SND1: variants seen among roughly 807,000 people sequenced by gnomAD.
The protein encoded by SND1 is staphylococcal nuclease and tudor domain containing 1.
A neutral mutation model predicts 121.7 loss-of-function variants in SND1; 38 were observed. The observed-to-expected ratio is 0.31, with a 90% CI of 0.24 to 0.41. The LOEUF is 0.41. Among genes scored for constraint, SND1 ranks in the 10% least tolerant of loss-of-function variants. The probability of loss-of-function intolerance (pLI) is 1.00; values close to 1 mark genes in which losing one functional copy is unlikely to be tolerated. For missense variants in SND1, 868 were observed against 1,184.6 expected (o/e 0.73, Z 3.92); for synonymous variants, 401 against 447.4 (o/e 0.90, Z 1.31).
At chr7:127,904,841 A>T in intron 14 of SND1, 22 bp downstream of exon 14, 1 of 1,494,674 alleles carries the variant, frequency 6.7e-7, no homozygotes, top group Non-Finnish European at 9.3e-7. Context: ...CCCTGAATCA[A>T]GCTGTGTGGC....
chr7:127,980,279 ATT>A (rs555863231), intron 15 of SND1, among the ~76,000 whole-genome samples: 1 of 49,722 alleles, frequency 2.0e-5, no homozygotes. Context: ...CGCCCGGCTA[ATT>A]TTTTTTTTTT....
intron 10 of SND1, among the ~76,000 whole-genome samples, chr7:127,758,189 T>G (rs1797233275): frequency 6.6e-6 from 1 of 152,212 alleles, no homozygotes; most frequent in African/African-American, 2.4e-5. Flanking sequence ...ATGTATTCAT[T>G]TAAGTCATAA....
At chr7:127,806,343 C>A (rs992742777) in intron 10 of SND1, among the ~76,000 whole-genome samples, 4 of 152,128 alleles carry the variant, frequency 2.6e-5, no homozygotes, top group Admixed American at 6.5e-5. Context: ...ACTTCTGTTA[C>A]CTTCATCTAG....
chr7:127,852,440 A>G (rs1014183568), intron 12 of SND1, among the ~76,000 whole-genome samples: 1 of 150,610 alleles, frequency 6.6e-6, no homozygotes, highest in Non-Finnish European at 1.5e-5. Context: ...GTGAGCCAAG[A>G]TCGCACCACT....
At chr7:127,879,850 T>C (rs1799757385) in intron 12 of SND1, among the ~76,000 whole-genome samples, 1 of 152,188 alleles carries the variant, frequency 6.6e-6, no homozygotes, top group African/African-American at 2.4e-5. Context: ...CCTTTTGTGC[T>C]GAGTTTATAA....
chr7:127,777,016 T>C (rs954609415), intron 10 of SND1, among the ~76,000 whole-genome samples: 5 of 152,260 alleles, frequency 3.3e-5, no homozygotes, highest in Admixed American at 3.3e-4. Context: ...ACATTTCTCC[T>C]GTAGACTGCT....
At position 128,029,676 on chromosome 7, in the gene SND1, T is replaced by C. The variant is rs777407443; in HGVS notation, c.1779+38620T>C. The C allele has an allele frequency of 1.7e-5, 28 of 1,613,760 alleles. No individual in the cohort carries two copies. Among genetic ancestry groups the C allele is most frequent in the East Asian group, 8.9e-5 (4 of 44,896 alleles). Reference sequence around the variant, plus strand: ...ATGACAGCGGCCACAGCAGGTGGAATTGGTGGGTATATACTCTCGAAGCCA... The same window carrying C: ...ATGACAGCGGCCACAGCAGGTGGAACTGGTGGGTATATACTCTCGAAGCCA... On this transcript the variant is annotated intron_variant, in intron 16 of 23. Transcript: ENST00000354725. The surrounding 1 kb of genome is among the most constrained non-coding windows in gnomAD (Gnocchi z 4.2).
intron 14 of SND1, 136 bp from the exon 15 acceptor site, chr7:127,929,050 CTA>C: frequency 1.3e-6 from 1 of 741,498 alleles, no homozygotes. Flanking sequence ...GGTATCATGT[CTA>C]TGTCTTGGTT....
intron 15 of SND1, among the ~76,000 whole-genome samples, chr7:127,947,392 G>A (rs1055855003): frequency 2.0e-5 from 3 of 152,132 alleles, no homozygotes; most frequent in Non-Finnish European, 4.4e-5. Context: ...TCAGATTTCA[G>A]GAAATAATGA....
At chr7:127,865,499 G>A (rs546583753) in intron 12 of SND1, among the ~76,000 whole-genome samples, 1 of 152,260 alleles carries the variant, frequency 6.6e-6, no homozygotes, top group South Asian at 2.1e-4. Context: ...CTTATCTTTG[G>A]TACAAGATTA....
intron 15 of SND1, among the ~76,000 whole-genome samples, chr7:127,959,494 TCTC>T (rs1563071190): frequency 6.6e-6 from 1 of 152,146 alleles, no homozygotes; most frequent in Non-Finnish European, 1.5e-5. Flanking sequence ...TCTGACCTCA[TCTC>T]CTGCTCTTCC....
chr7:128,062,329 A>G (rs769371793), intron 16 of SND1, among the ~76,000 whole-genome samples: 1 of 152,198 alleles, frequency 6.6e-6, no homozygotes, highest in Non-Finnish European at 1.5e-5. Flanking sequence ...AGTTATGTAC[A>G]GGGGCATAGG....
At position 127,702,496 on chromosome 7, in the gene SND1, C is replaced by T. The variant is rs757601086; in HGVS notation, c.651C>T (p.Tyr217=). 2 of 1,614,050 alleles carry T rather than the reference C, an allele frequency of 1.2e-6. No homozygotes were observed. Among genetic ancestry groups the T allele is most frequent in the Non-Finnish European group, 1.7e-6 (2 of 1,179,962 alleles). The change falls in exon 6 of 24, where the codon TAC becomes TAT. Residue 217 remains tyrosine, a synonymous_variant. Transcript: ENST00000354725. ...VVRALLLPDY[Y]LVTVMLSGIK... Reference sequence around the variant, plus strand: ...GGGCCCTGCTCCTCCCAGATTACTACCTGGTTACAGTCATGCTGTCAGGCA... The same window carrying T: ...GGGCCCTGCTCCTCCCAGATTACTATCTGGTTACAGTCATGCTGTCAGGCA...
intron 10 of SND1, among the ~76,000 whole-genome samples, chr7:127,798,347 G>A (rs531008369): frequency 4.2e-4 from 64 of 152,238 alleles, no homozygotes; most frequent in African/African-American, 1.3e-3. Flanking sequence ...ATGGCTTTGG[G>A]GGCTTGGGCA....
At chr7:127,683,206 G>A (rs776144115) in intron 1 of SND1, among the ~76,000 whole-genome samples, 2 of 152,024 alleles carry the variant, frequency 1.3e-5, no homozygotes, top group Non-Finnish European at 2.9e-5. Context: ...GAGGTGTAGT[G>A]TGTTTCTGTT....
At chr7:127,690,284 G>T (rs556464402) in intron 2 of SND1, among the ~76,000 whole-genome samples, 1 of 152,198 alleles carries the variant, frequency 6.6e-6, no homozygotes, top group South Asian at 2.1e-4. Flanking sequence ...GGTTACAAGC[G>T]CATTTGTGAT....
At chr7:127,674,292 A>T (rs763161055) in intron 1 of SND1, among the ~76,000 whole-genome samples, 1 of 152,240 alleles carries the variant, frequency 6.6e-6, no homozygotes, top group Non-Finnish European at 1.5e-5. Context: ...TGGAGTCAGG[A>T]AATATTTGTA....
At chr7:127,778,380 G>A (rs1056123210) in intron 10 of SND1, among the ~76,000 whole-genome samples, 1 of 152,018 alleles carries the variant, frequency 6.6e-6, no homozygotes, top group Non-Finnish European at 1.5e-5. Context: ...CATATTTTTA[G>A]TAGAGACAGG....
chr7:127,844,494 C>A, intron 12 of SND1, 70 bp downstream of exon 12: 1 of 1,211,102 alleles, frequency 8.3e-7, no homozygotes, highest in Non-Finnish European at 1.2e-6. Flanking sequence ...TCATTTGAAT[C>A]TTTCCTTCCT....
Sources: gnomAD v4.1 joint callset for allele counts (sites outside exome capture counted in the v4.1 genomes callset) on GRCh38, gnomAD v4.1.1 for gene constraint, Gnocchi (gnomAD v3.1) non-coding constraint, MANE v1.5 for transcripts, NCBI Gene and HGNC (gene_info 2026-07-23, HGNC 2026-07-21) for gene names.